Variants in EPPK1 observed in about 807,000 individuals in gnomAD.
EPPK1 encodes epiplakin 1.
For synonymous variants in EPPK1, 1,862 were observed against 1,721.2 expected, an observed-to-expected ratio of 1.08 and a Z score of -2.03; for missense variants, 3,823 against 3,673.3, an observed-to-expected ratio of 1.04 and a Z score of -1.05.
In EPPK1 at chr8:143,871,537, G is replaced by A; in HGVS notation, c.1717C>T (p.Leu573=). Residue 573 remains leucine (L), a synonymous_variant, in exon 2 of 2, where the codon CTG becomes TTG. Coordinates refer to ENST00000615648, the MANE Select transcript of EPPK1 (RefSeq NM_031308.4). ...LRDTVTPGEL[L]KAEIIDQDLY... is the part of the protein sequence containing the mutation. ...TCCTGGTCGATGATCTCGGCTTTCA[G>A]CAGCTCTCCTGGTGTCACGGTGTCC... 5.0e-6 allele frequency: 8 copies of A among 1,610,170 alleles called. No individual in the cohort carries two copies. Among genetic ancestry groups the A allele is most frequent in the Non-Finnish European group, 5.9e-6 (7 of 1,178,954 alleles).
Position 143,872,090 on chromosome 8 carries a change from C to A in EPPK1, c.1164G>T (p.Arg388Ser), listed in dbSNP as rs782596761. 6.4e-7 allele frequency: 1 copy of A among 1,562,160 alleles called. No homozygotes were observed. The highest frequency in any genetic ancestry group is 2.4e-5 in the East Asian group (1 of 42,026). ...FQAMKKGLVD[R>S]PLALRLLDAQ... ...CATCCAAGAGCCGCAGTGCCAGTGG[C>A]CTGTCCACTAGCCCCTTCTTCATGG... Residue 388 changes from arginine to serine, a missense_variant, in exon 2 of 2, where the codon AGG becomes AGT. Arg to Ser is a moderately radical substitution (Grantham distance 110). Transcript: ENST00000615648.
In EPPK1 at chr8:143,868,175, G is replaced by C. The variant is rs112235569; in HGVS notation, c.5079C>G (p.Pro1693=). 1.9e-6 allele frequency: 3 copies of C among 1,612,960 alleles called. No homozygotes were observed. The highest frequency in any genetic ancestry group is 2.5e-6 in the Non-Finnish European group (3 of 1,180,004). ...CCACGGGCACGCGGTGGCTGTGCAC[G>C]GGGTCGATGATGCCGCCCGTGGCGA... ...AQIATGGIID[P]VHSHRVPVDV... The change falls in exon 2 of 2, where the codon CCC becomes CCG. Residue 1693 remains proline (P), a synonymous_variant. Transcript: ENST00000615648.
At position 143,865,385 on chromosome 8, in the gene EPPK1, C is replaced by A; in HGVS notation, c.7869G>T (p.Glu2623Asp). 1 of 336,020 alleles carries A rather than the reference C, an allele frequency of 3.0e-6. No homozygotes were observed. Among genetic ancestry groups the A allele is most frequent in the African/African-American group, 7.9e-5 (1 of 12,652 alleles). The allele number at this position is 336,020 out of a possible 1,614,324, so 20.8% of individuals were successfully genotyped here. A position where few individuals can be genotyped will look rare whatever the true frequency, so the allele number is the denominator to read the frequency against. Residue 2623 changes from glutamate to aspartate, a missense_variant, in exon 2 of 2, where the codon GAG becomes GAT. Physicochemically the swap from Glu to Asp is conservative, Grantham distance 45 (BLOSUM62 2). Coordinates refer to ENST00000615648, the MANE Select transcript of EPPK1 (RefSeq NM_031308.4). ...CGGCGGCGGCGGCGGCGGCGGCGGC[C>A]TCCTGGGTCTCGCCCTCCCCCTGGC... The part of the protein sequence containing the change: ...REGQGEGETQ[E>D]AAAAAAAAAA...
chr8:143,876,905 AG>A (rs1283236366), intron 1 of EPPK1, among the ~76,000 whole-genome samples: 1 of 151,856 alleles, frequency 6.6e-6, no homozygotes, highest in Non-Finnish European at 1.5e-5. Context: ...AGGGCCAGTG[AG>A]GGTGGGGACA....
rs1819180340 is a variant in EPPK1, at chr8:143,867,743, T to A, written c.5511A>T (p.Glu1837Asp). Residue 1837 changes from glutamate (E) to aspartate (D), a missense_variant, in exon 2 of 2, where the codon GAA (glutamate) becomes GAT (aspartate). Physicochemically the swap from Glu to Asp is conservative, Grantham distance 45. Transcript: ENST00000615648. ...LLEIITTTIE[E>D]TETQNQGIKV... The stretch of plus-strand genomic sequence containing the variant: ...TGATGCCTTGGTTTTGCGTCTCTGT[T>A]TCTTCAATTGTCGTGGTGATGATTT... 1 of 1,613,648 alleles carries A rather than the reference T, an allele frequency of 6.2e-7. No individual in the cohort carries two copies. Among genetic ancestry groups the A allele is most frequent in the Non-Finnish European group, 8.5e-7 (1 of 1,179,872 alleles).
intron 1 of EPPK1, among the ~76,000 whole-genome samples, chr8:143,874,477 G>A (rs1452394570): frequency 7.2e-5 from 11 of 152,192 alleles, no homozygotes; most frequent in Non-Finnish European, 1.6e-4. Flanking sequence ...GGGAGAGGGC[G>A]GCCGTGTGAC....
At position 143,866,556 on chromosome 8, in the gene EPPK1, G is replaced by A; in HGVS notation, c.6698C>T (p.Ala2233Val). ...CTCCTGGCGGCCGGGCTGGTCCTTG[G>A]CGGGCACCAGGACGCCCGCGATGCA... ...TSCIAGVLVP[A>V]KDQPGRQEKM... is the part of the protein sequence containing the mutation. The change falls in exon 2 of 2, where the codon GCC (alanine) becomes GTC (valine). Residue 2233 changes from alanine (A) to valine (V), a missense_variant. Ala to Val is a moderately conservative substitution (Grantham distance 64). Transcript: ENST00000615648. 3 of 1,603,058 alleles carry A rather than the reference G, an allele frequency of 1.9e-6. No individual in the cohort carries two copies. The highest frequency in any genetic ancestry group is 2.6e-6 in the Non-Finnish European group (3 of 1,176,360).
chr8:143,867,311 C>T lies in EPPK1; in HGVS notation c.5943G>A (p.Pro1981=), dbSNP rs370847653. The T allele has an allele frequency of 5.7e-5, 92 of 1,612,578 alleles. No homozygotes were observed. In the African/African-American group the frequency reaches 6.4e-4, roughly 11 times the overall value. Residue 1981 remains proline (P), a synonymous_variant, in exon 2 of 2, where the codon CCG becomes CCA. Coordinates refer to ENST00000615648, the MANE Select transcript of EPPK1 (RefSeq NM_031308.4). ...AERAATGYRD[P]ATGDTIPLFQ... ...ACAGCGGGATCGTGTCTCCTGTGGC[C>T]GGATCCCTGTAGCCCGTGGCAGCTC... is the stretch of plus-strand genomic sequence containing the variant.
At position 143,869,805 on chromosome 8, in the gene EPPK1, G is replaced by C; in HGVS notation, c.3449C>G (p.Ser1150Cys). The C allele has an allele frequency of 6.2e-7, 1 of 1,601,378 alleles. No individual in the cohort carries two copies. The highest frequency in any genetic ancestry group is 1.7e-4 in the Middle Eastern group (1 of 6,048). ...CCGTTGCTCCTCGGTGAAGTGGCAG[G>C]AGCTGAGCAGGTCCCAGAGGGATGT... ...DGTSLWDLLSSCHFTEEQRRG... is the reference protein window; with the variant it reads ...DGTSLWDLLSCCHFTEEQRRG... The change falls in exon 2 of 2, where the codon TCC becomes TGC. Residue 1150 changes from serine (S) to cysteine (C), a missense_variant. Physicochemically the swap from Ser to Cys is moderately radical, Grantham distance 112. Coordinates refer to ENST00000615648, the MANE Select transcript of EPPK1 (RefSeq NM_031308.4).
In EPPK1 at chr8:143,867,077, C is replaced by A. The variant is rs373733680; in HGVS notation, c.6177G>T (p.Thr2059=). Residue 2059 remains threonine (T), a synonymous_variant, in exon 2 of 2, where the codon ACG becomes ACT. Transcript: ENST00000615648. ...HMRKRFVDPN[T]QEKVSYRELQ... is the part of the protein sequence containing the mutation. Reference sequence around the variant, plus strand: ...GCTCTCGGTACGAGACCTTCTCTTGCGTGTTCGGGTCCACAAACCGTTTCC... The same window carrying A: ...GCTCTCGGTACGAGACCTTCTCTTGAGTGTTCGGGTCCACAAACCGTTTCC... 17 of 1,612,962 alleles carry A rather than the reference C, an allele frequency of 1.1e-5. No individual in the cohort carries two copies. The highest frequency in any genetic ancestry group is 1.4e-5 in the Non-Finnish European group (16 of 1,179,854).
In EPPK1 at chr8:143,872,821, C is replaced by CCCTGT; in HGVS notation, c.428_432dup (p.Ala145ThrfsTer67). ...ACCTCCAGCCAGCTCTGCCCCAGGG[C>CCCTGT]CCTGTCCACAACCTCCTTCCCGATG... On this transcript the variant is annotated frameshift_variant, in exon 2 of 2. Transcript: ENST00000615648. LOFTEE classifies it low-confidence loss of function (END_TRUNC). 6.4e-7 allele frequency: 1 copy of CCCTGT among 1,564,630 alleles called. No homozygotes were observed. The highest frequency in any genetic ancestry group is 1.2e-5 in the South Asian group (1 of 83,274).
In EPPK1 at chr8:143,871,282, C is replaced by A. The variant is rs782616656; in HGVS notation, c.1972G>T (p.Ala658Ser). 1 of 1,612,740 alleles carries A rather than the reference C, an allele frequency of 6.2e-7. No individual in the cohort carries two copies. Among genetic ancestry groups the A allele is most frequent in the Non-Finnish European group, 8.5e-7 (1 of 1,179,818 alleles). Residue 658 changes from alanine (A) to serine (S), a missense_variant, in exon 2 of 2, where the codon GCA becomes TCA. Physicochemically the swap from Ala to Ser is moderately conservative, Grantham distance 99. Transcript: ENST00000615648. ...AATGFIIDPK[A>S]NKGHSVEEAL... ...TCCTCAACGGAGTGCCCCTTGTTTGCTTTTGGGTCGATGATGAAGCCTGTG... is the reference window on the plus strand; with the variant it reads ...TCCTCAACGGAGTGCCCCTTGTTTGATTTTGGGTCGATGATGAAGCCTGTG...
chr8:143,871,403 G>T lies in EPPK1; in HGVS notation c.1851C>A (p.Leu617=). 1 of 1,605,098 alleles carries T rather than the reference G, an allele frequency of 6.2e-7. No individual in the cohort carries two copies. The highest frequency in any genetic ancestry group is 1.1e-5 in the South Asian group (1 of 89,838). ...TGCTCAGGCGTTCCTGGGAGCCAGG[G>T]AGCAGCAGGCCAGCAATGCAGCCCG... is the stretch of plus-strand genomic sequence containing the variant. The part of the protein sequence containing the change: ...QGTGCIAGLL[L]PGSQERLSIY... The change falls in exon 2 of 2, where the codon CTC becomes CTA. Residue 617 remains leucine (L), a synonymous_variant. Coordinates refer to ENST00000615648, the MANE Select transcript of EPPK1 (RefSeq NM_031308.4).
Position 143,857,879 on chromosome 8 carries a change from A to T in EPPK1, c.*108T>A. 1.2e-6 allele frequency: 1 copy of T among 861,694 alleles called. No homozygotes were observed. The highest frequency in any genetic ancestry group is 1.7e-6 in the Non-Finnish European group (1 of 593,010). The allele number at this position is 861,694 out of a possible 1,614,324, so 53.4% of individuals were successfully genotyped here. ...CCACAGATAACGAATGGGTAAAACA[A>T]CAAAATTAAAGAATGACAAAAAAAA... On this transcript the variant is annotated 3_prime_UTR_variant, in exon 2 of 2. Transcript: ENST00000615648.
rs782309931 is a variant in EPPK1 at position 143,868,762 on chromosome 8, G to C, written c.4492C>G (p.Leu1498Val). 2.2e-5 allele frequency: 35 copies of C among 1,592,306 alleles called. No individual in the cohort carries two copies. The highest frequency in any genetic ancestry group is 2.7e-5 in the African/African-American group (2 of 74,654). Residue 1498 changes from leucine (L) to valine (V), a missense_variant, in exon 2 of 2, where the codon CTG becomes GTG. By Grantham distance (32) the Leu-to-Val change is conservative. Transcript: ENST00000615648. ...GTGACTGCGCTGACCACCTGCCGCA[G>C]GGCCGCAGCCCTCCCAGACCGACAG... Reference protein sequence around the residue: ...ALCRSGRAAALRQVVSAVTTL... With the variant: ...ALCRSGRAAAVRQVVSAVTTL...
intron 1 of EPPK1, among the ~76,000 whole-genome samples, chr8:143,876,296 T>C (rs747558942): frequency 1.1e-4 from 17 of 152,242 alleles, no homozygotes; most frequent in Middle Eastern, 6.8e-3. Flanking sequence ...TGGTCACACC[T>C]GACAAGCCCT....
At position 143,871,447 on chromosome 8, in the gene EPPK1, G is replaced by A; in HGVS notation, c.1807C>T (p.Gln603Ter). ...CAGCCCGTACCCTGCAGGTACCTCT[G>A]CACCGAGGCCAGGCTGCCCACATCC... The part of the protein sequence containing the change: ...AKDVGSLASV[Q>*]RYLQGTGCIA... The change falls in exon 2 of 2, where the codon CAG becomes TAG. Residue 603 changes from glutamine to a stop codon, truncating the protein, a stop_gained. Transcript: ENST00000615648. LOFTEE classifies it low-confidence loss of function (END_TRUNC). 6.2e-7 allele frequency: 1 copy of A among 1,606,224 alleles called. No individual in the cohort carries two copies. Among genetic ancestry groups the A allele is most frequent in the Admixed American group, 1.7e-5 (1 of 59,288 alleles).
rs1554659360 is a variant in EPPK1 at position 143,867,162 on chromosome 8, T to C, written c.6092A>G (p.Tyr2031Cys). ...GTCCTTGTGCAGACAGCCCCGTCTGTAGGCTGTTTCCAGTGGGAGCCGGTG... is the reference window on the plus strand; with the variant it reads ...GTCCTTGTGCAGACAGCCCCGTCTGCAGGCTGTTTCCAGTGGGAGCCGGTG... Reference protein sequence around the residue: ...HHHRLPLETAYRRGCLHKDIY... With the variant: ...HHHRLPLETACRRGCLHKDIY... The change falls in exon 2 of 2, where the codon TAC becomes TGC. Residue 2031 changes from tyrosine (Y) to cysteine (C), a missense_variant. By Grantham distance (194) the Tyr-to-Cys change is radical. Transcript: ENST00000615648. 2.5e-6 allele frequency: 4 copies of C among 1,612,746 alleles called. No homozygotes were observed. The highest frequency in any genetic ancestry group is 2.2e-5 in the East Asian group (1 of 44,894).
rs1554659570 is a variant in EPPK1, at chr8:143,867,695, C to T, written c.5559G>A (p.Glu1853=). ...QGIKVAAIRG[E]VTAADLFNSR... ...AGTTGAACAGGTCTGCAGCTGTCAC[C>T]TCCCCTCTGATGGCCGCCACTTTGA... Residue 1853 remains glutamate (E), a synonymous_variant, in exon 2 of 2, where the codon GAG becomes GAA. Transcript: ENST00000615648. 6.2e-6 allele frequency: 10 copies of T among 1,613,586 alleles called. No individual in the cohort carries two copies. Among genetic ancestry groups the T allele is most frequent in the Middle Eastern group, 1.6e-4 (1 of 6,062 alleles).
Sources: gnomAD v4.1 joint callset for allele counts (sites outside exome capture counted in the v4.1 genomes callset) on GRCh38, gnomAD v4.1.1 for gene constraint, MANE v1.5 for transcripts, NCBI Gene and HGNC (gene_info 2026-07-23, HGNC 2026-07-21) for gene names.